TIAM2: variants seen among roughly 807,000 people sequenced by gnomAD.
TIAM2 encodes TIAM Rac1 associated GEF 2.
TIAM2 carries 80 observed loss-of-function variants against 152.9 expected under a neutral mutation model. The ratio of observed to expected loss-of-function variants is 0.52; its 90% CI spans 0.44 to 0.63. The LOEUF (loss-of-function observed/expected upper bound fraction) is 0.63. Ranked by LOEUF, TIAM2 falls within the 30% of genes least tolerant of loss-of-function variation. The probability of loss-of-function intolerance (pLI) is 0.00; values close to 1 mark genes in which losing one functional copy is unlikely to be tolerated. For synonymous variants in TIAM2, 804 were observed against 838.0 expected (o/e 0.96, Z 0.70); for missense variants, 1,965 against 2,120.1 (o/e 0.93, Z 1.44).
chr6:155,052,210 C>T (rs1054076953), intron 1 of TIAM2, among the ~76,000 whole-genome samples: 3 of 152,110 alleles, frequency 2.0e-5, no homozygotes, highest in African/African-American at 7.2e-5. Flanking sequence ...GCTATACATA[C>T]TTCATGAAGA....
At position 155,147,002 on chromosome 6, in the gene TIAM2, T is replaced by C. The variant is rs184759073; in HGVS notation, c.1804-1108T>C. Among the ~76,000 whole-genome samples, 783 of 152,130 alleles carry C rather than the reference T, an allele frequency of 5.1e-3. 11 individuals carry two copies. The highest frequency in any genetic ancestry group is 0.018 in the African/African-American group (758 of 41,480). ...ACTCCTGGACTCAAAAGTCCTGGGATTACAGGCATGAGCCACTGTGCCCAG... is the reference window on the plus strand; with the variant it reads ...ACTCCTGGACTCAAAAGTCCTGGGACTACAGGCATGAGCCACTGTGCCCAG... On this transcript the variant is annotated intron_variant, in intron 6 of 26. Transcript: ENST00000682666.
intron 9 of TIAM2, among the ~76,000 whole-genome samples, chr6:155,169,246 C>T (rs111787295): frequency 0.099 from 15,148 of 152,250 alleles, 850 homozygotes; most frequent in Middle Eastern, 0.16. Context: ...CCACCCACCT[C>T]GGCCTCCCAA....
chr6:155,001,445 A>T (rs576150255), intron 1 of TIAM2, among the ~76,000 whole-genome samples: 33 of 152,244 alleles, frequency 2.2e-4, no homozygotes, highest in South Asian at 1.5e-3. Context: ...GAAAGCTTTT[A>T]TTTTTTGTGA....
intron 7 of TIAM2, among the ~76,000 whole-genome samples, chr6:155,148,608 G>A (rs1237357512): frequency 6.6e-6 from 1 of 152,060 alleles, no homozygotes; most frequent in Non-Finnish European, 1.5e-5. Context: ...TTTGAATAGT[G>A]CCTTCTGGCC....
chr6:155,016,509 T>TTAAATGGTATATTTAAATG (rs1778587592), intron 1 of TIAM2: 1 of 112,688 alleles, frequency 8.9e-6, no homozygotes. Flanking sequence ...GTATTTACAT[T>TTAAATGGTATATTTAAATG]TAAATGGTAT....
chr6:155,077,450 A>T (rs1025955355), intron 1 of TIAM2, among the ~76,000 whole-genome samples: 1 of 151,408 alleles, frequency 6.6e-6, no homozygotes, highest in African/African-American at 2.5e-5. Flanking sequence ...AAATTTACTC[A>T]CTCAGTTCCT....
At chr6:155,226,290 A>T (rs111752001) in intron 15 of TIAM2, among the ~76,000 whole-genome samples, 1,839 of 152,320 alleles carry the variant, frequency 0.012, 29 homozygotes, top group Non-Finnish European at 0.014. Context: ...CCAGTGGGGA[A>T]TGGGATGCAA....
chr6:155,092,496 TA>T (rs1778327415), intron 2 of TIAM2, among the ~76,000 whole-genome samples: 7 of 152,212 alleles, frequency 4.6e-5, no homozygotes, highest in Non-Finnish European at 1.0e-4. Context: ...TATGTGAGTA[TA>T]GGGGTTATAT....
chr6:155,224,343 G>A (rs924141795), intron 15 of TIAM2, among the ~76,000 whole-genome samples: 2 of 152,144 alleles, frequency 1.3e-5, no homozygotes, highest in African/African-American at 2.4e-5. Context: ...GAGTAGATGT[G>A]TGTGTCATGA....
intron 1 of TIAM2, among the ~76,000 whole-genome samples, chr6:155,071,836 C>T (rs1777845316): frequency 6.8e-6 from 1 of 146,344 alleles, no homozygotes; most frequent in Non-Finnish European, 1.5e-5. Context: ...GTGGAGGTTA[C>T]AGTGAACCGA....
At chr6:155,003,175 A>T (rs371580270) in intron 1 of TIAM2, among the ~76,000 whole-genome samples, 26 of 152,340 alleles carry the variant, frequency 1.7e-4, no homozygotes, top group South Asian at 1.7e-3. Context: ...GACTTTATCA[A>T]TAACAAAGTG....
chr6:155,144,660 G>C lies in TIAM2; in HGVS notation c.1685G>C (p.Ser562Thr). The change falls in exon 6 of 27, where the codon AGT (serine) becomes ACT (threonine). Residue 562 changes from serine (S) to threonine (T), a missense_variant. Physicochemically the swap from Ser to Thr is moderately conservative, Grantham distance 58 (BLOSUM62 1). This residue lies in a region of TIAM2 where 1,025 missense variants were observed against 1,119.4 expected (regional missense o/e 0.92). Transcript: ENST00000682666. ...TYGKNSMDQS[S>T]APRCALFAED... ...GGGAAGAATTCCATGGATCAGAGCA[G>C]TGCCCCTCGGTGTGCTCTGTTTGCA... The C allele has an allele frequency of 6.2e-7, 1 of 1,602,424 alleles. No individual in the cohort carries two copies. The highest frequency in any genetic ancestry group is 1.1e-5 in the South Asian group (1 of 88,314).
intron 1 of TIAM2, among the ~76,000 whole-genome samples, chr6:154,999,845 A>C (rs534484843): frequency 6.6e-6 from 1 of 151,540 alleles, no homozygotes; most frequent in East Asian, 2.0e-4. Flanking sequence ...TGCCCAGCTA[A>C]TTTTTGCATT....
In TIAM2 at chr6:155,214,766, G is replaced by T. The variant is rs1345412509; in HGVS notation, c.3168+3459G>T. On this transcript the variant is annotated intron_variant, in intron 15 of 26. Transcript: ENST00000682666. This position sits in a 1 kb window ranked among gnomAD's most constrained non-coding sequence, Gnocchi z 5.4. ...GCAGTGGATCCTAGAGCATCAAATA[G>T]ATGTGTTTTGATAGCCTTGTCTTAA... is the stretch of plus-strand genomic sequence containing the variant. Among the ~76,000 whole-genome samples the T allele has an allele frequency of 6.6e-6, 1 of 152,136 alleles. No homozygotes were observed. Among genetic ancestry groups the T allele is most frequent in the Non-Finnish European group, 1.5e-5 (1 of 68,032 alleles).
At chr6:155,167,428 G>A (rs1158700088) in intron 9 of TIAM2, among the ~76,000 whole-genome samples, 1 of 152,078 alleles carries the variant, frequency 6.6e-6, no homozygotes, top group Admixed American at 6.5e-5. Flanking sequence ...CACCATGTTG[G>A]CCAGGCTGGT....
At chr6:155,029,513 C>CTATATATTATATATAATATAG (rs1776769698) in intron 1 of TIAM2, among the ~76,000 whole-genome samples, 20 of 22,066 alleles carry the variant, frequency 9.1e-4, no homozygotes, top group Non-Finnish European at 1.1e-3. Flanking sequence ...ATAATATATA[C>CTATATATTATATATAATATAG]TATATATTAT....
chr6:155,031,950 C>T (rs1335144603), intron 1 of TIAM2, among the ~76,000 whole-genome samples: 3 of 152,024 alleles, frequency 2.0e-5, no homozygotes, highest in Non-Finnish European at 4.4e-5. Context: ...TATTTTAATT[C>T]GTATTTTGAA....
At chr6:155,165,706 T>C (rs1780414237) in intron 9 of TIAM2, among the ~76,000 whole-genome samples, 1 of 152,142 alleles carries the variant, frequency 6.6e-6, no homozygotes, top group South Asian at 2.1e-4. Context: ...GAAGATCGCT[T>C]GAGCCCGGGA....
chr6:155,108,522 T>C (rs1368004479), intron 2 of TIAM2, among the ~76,000 whole-genome samples: 1 of 152,198 alleles, frequency 6.6e-6, no homozygotes, highest in African/African-American at 2.4e-5. Flanking sequence ...ATGACTCAAA[T>C]TCATACTGAC....
Sources: allele counts gnomAD v4.1 joint callset (sites outside exome capture counted in the v4.1 genomes callset), GRCh38; gene constraint gnomAD v4.1.1; regional missense constraint gnomAD v4.1.1; non-coding constraint Gnocchi (gnomAD v3.1); transcripts MANE v1.5; gene names NCBI Gene and HGNC (gene_info 2026-07-23, HGNC 2026-07-21).